FAH: variants seen among roughly 807,000 people sequenced by gnomAD.
FAH encodes the protein fumarylacetoacetate hydrolase, also known as fumarylacetoacetase.
In FAH, 47 loss-of-function variants were observed where a neutral mutation model predicts 55.8. The ratio of observed to expected loss-of-function variants is 0.84; its 90% confidence interval spans 0.67 to 1.07. FAH has a LOEUF of 1.07. Ranked by LOEUF, FAH falls within the 50% of genes least tolerant of loss-of-function variation. FAH has a pLI of 0.00. For synonymous variants in FAH, 199 were observed against 207.7 expected (o/e 0.96, Z 0.36); for missense variants, 495 against 545.9 (o/e 0.91, Z 0.93).
intron 3 of FAH, chr15:80,160,094 G>T: frequency 1.5e-6 from 1 of 666,362 alleles, no homozygotes; most frequent in East Asian, 2.7e-5. Context: ...CCCAAGCTAG[G>T]CCAGGCCAGG....
intron 5 of FAH, chr15:80,166,862 C>G (rs1410498148): frequency 6.6e-6 from 1 of 151,396 alleles, no homozygotes; most frequent in Non-Finnish European, 1.5e-5. Flanking sequence ...GTCTCGATCT[C>G]CTGACCTTGT....
Position 80,181,031 on chromosome 15 carries a change from C to T in FAH, c.1063-11C>T. On this transcript the variant is annotated splice_polypyrimidine_tract_variant and intron_variant, in intron 12 of 13. Coordinates refer to ENST00000561421, the MANE Select transcript of FAH (RefSeq NM_000137.4). ...TTCATGTTATTCTTTCTTCCCTTTCCTGTGATGAAGGAGCCAGAAAACTTC... is the reference window on the plus strand; with the variant it reads ...TTCATGTTATTCTTTCTTCCCTTTCTTGTGATGAAGGAGCCAGAAAACTTC... 6.2e-7 allele frequency: 1 copy of T among 1,602,788 alleles called. No individual in the cohort carries two copies.
At chr15:80,171,133 G>A (rs1267749963) in intron 7 of FAH, among the ~76,000 whole-genome samples, 1 of 151,364 alleles carries the variant, frequency 6.6e-6, no homozygotes, top group East Asian at 1.9e-4. Flanking sequence ...TAGGGTACAT[G>A]TGCACAACGT....
chr15:80,154,110 G>A (rs968625746), intron 1 of FAH, among the ~76,000 whole-genome samples: 5 of 152,150 alleles, frequency 3.3e-5, no homozygotes, highest in Admixed American at 6.5e-5. Context: ...ACATCTGGCC[G>A]GGCTGACCAG....
rs2041370673 is a variant in FAH at position 80,186,274 on chromosome 15, C to T, written c.*65C>T. ...CCCTTTCAACCCTGTGACTGGGGTC[C>T]TCCCTCGGGCTGTAGGCCTGGTCCG... On this transcript the variant is annotated 3_prime_UTR_variant, in exon 14 of 14. Transcript: ENST00000561421. The T allele has an allele frequency of 7.5e-7, 1 of 1,331,706 alleles. No individual in the cohort carries two copies. Among genetic ancestry groups the T allele is most frequent in the Middle Eastern group, 1.8e-4 (1 of 5,568 alleles). 82.5% of individuals were successfully genotyped at this position (1,331,706 alleles called of 1,614,324 possible). A position where few individuals can be genotyped will look rare whatever the true frequency, so the allele number is the denominator to read the frequency against.
intron 1 of FAH, among the ~76,000 whole-genome samples, chr15:80,155,062 T>C (rs1272414465): frequency 1.3e-5 from 2 of 152,214 alleles, no homozygotes; most frequent in African/African-American, 4.8e-5. Context: ...TTGTTCCTTC[T>C]GCCTGGAATA....
chr15:80,178,307 T>C (rs2142106123), intron 11 of FAH, among the ~76,000 whole-genome samples: 1 of 152,330 alleles, frequency 6.6e-6, no homozygotes, highest in African/African-American at 2.4e-5. Flanking sequence ...ATGGAAAATT[T>C]CCAGCACCTC....
chr15:80,161,047 T>C (rs2041144538), intron 4 of FAH, among the ~76,000 whole-genome samples: 1 of 152,170 alleles, frequency 6.6e-6, no homozygotes, highest in African/African-American at 2.4e-5. Context: ...CTGGAACAGC[T>C]CCTGCTGTCC....
chr15:80,181,895 G>A lies in FAH; in HGVS notation c.1180+736G>A, dbSNP rs549099078. Among the ~76,000 whole-genome samples, 66 of 152,234 alleles carry A rather than the reference G, an allele frequency of 4.3e-4. 1 individual carries two copies. Among genetic ancestry groups the A allele is most frequent in the Admixed American group, 3.8e-3 (58 of 15,300 alleles). On this transcript the variant is annotated intron_variant, in intron 13 of 13. Transcript: ENST00000561421. Reference sequence around the variant, plus strand: ...CCCGAGTAGCTGGGATTACAGGCGCGCTAATTGTGTATGTGTCAGTTTCCG... The same window carrying A: ...CCCGAGTAGCTGGGATTACAGGCGCACTAATTGTGTATGTGTCAGTTTCCG...
At chr15:80,167,732 A>C (rs996081458) in intron 5 of FAH, among the ~76,000 whole-genome samples, 1 of 152,032 alleles carries the variant, frequency 6.6e-6, no homozygotes, top group Admixed American at 6.6e-5. Context: ...GGGTTTCACC[A>C]TGTTACCCAG....
chr15:80,163,900 C>G (rs989082321), intron 5 of FAH, among the ~76,000 whole-genome samples: 1 of 152,074 alleles, frequency 6.6e-6, no homozygotes, highest in African/African-American at 2.4e-5. Flanking sequence ...AAAAATTGGT[C>G]TATTCACAAT....
chr15:80,155,470 GC>G (rs2142088719), intron 1 of FAH, among the ~76,000 whole-genome samples: 2 of 152,328 alleles, frequency 1.3e-5, no homozygotes, highest in South Asian at 4.1e-4. Flanking sequence ...AGATCTCACA[GC>G]CAGTAAGAGG....
intron 1 of FAH, chr15:80,156,400 A>G (rs1380090791): frequency 6.5e-6 from 1 of 152,726 alleles, no homozygotes; most frequent in Non-Finnish European, 1.5e-5. Flanking sequence ...TTACAACTGT[A>G]TAGCAGTATA....
intron 9 of FAH, among the ~76,000 whole-genome samples, chr15:80,174,352 A>C (rs766968206): frequency 6.6e-6 from 1 of 152,112 alleles, no homozygotes; most frequent in Non-Finnish European, 1.5e-5. Flanking sequence ...CCCCCTCTGA[A>C]CTATTATTTA....
chr15:80,167,676 C>G (rs1186076286), intron 5 of FAH, among the ~76,000 whole-genome samples: 1 of 151,902 alleles, frequency 6.6e-6, no homozygotes. Flanking sequence ...GGACTACAGG[C>G]GTGCACCACT....
chr15:80,154,488 C>T (rs748676777), intron 1 of FAH, among the ~76,000 whole-genome samples: 28 of 152,344 alleles, frequency 1.8e-4, no homozygotes, highest in Middle Eastern at 3.4e-3. Flanking sequence ...AGCCCCATTC[C>T]GCTGTCCTCT....
chr15:80,162,217 A>G (rs1308942484), intron 4 of FAH, 29 bp from the exon 5 acceptor site: 5 of 1,577,002 alleles, frequency 3.2e-6, no homozygotes, highest in Non-Finnish European at 4.4e-6. Context: ...TGGGTTGCTG[A>G]TGGGATCTGT....
At chr15:80,181,259 C>A in intron 13 of FAH, 100 bp downstream of exon 13, 1 of 810,044 alleles carries the variant, frequency 1.2e-6, no homozygotes, top group Non-Finnish European at 2.1e-6. Context: ...CATCTGTTCT[C>A]ACGCATCCTG....
chr15:80,160,539 A>G, intron 4 of FAH, 80 bp downstream of exon 4: 1 of 1,405,972 alleles, frequency 7.1e-7, no homozygotes, highest in South Asian at 1.2e-5. Flanking sequence ...TTGGTTCTGC[A>G]TCTGTGTGGA....
Sources: allele counts gnomAD v4.1 joint callset (sites outside exome capture counted in the v4.1 genomes callset), GRCh38; gene constraint gnomAD v4.1.1; transcripts MANE v1.5; gene names NCBI Gene and HGNC (gene_info 2026-07-23, HGNC 2026-07-21).